The following SEZ6L variants were observed in gnomAD, a reference collection of about 807,000 sequenced individuals.
SEZ6L encodes seizure related 6 homolog like.
Under a neutral mutation model 106.2 loss-of-function variants are expected in SEZ6L, and 37 were observed. That is an observed-to-expected ratio of 0.35 (90% CI 0.27 to 0.46). SEZ6L has a LOEUF of 0.46. Among genes scored for constraint, SEZ6L ranks in the 20% least tolerant of loss-of-function variants. The pLI is 1.00. For missense variants in SEZ6L, 1,172 were observed against 1,332.8 expected, an observed-to-expected ratio of 0.88 and a Z score of 1.88; for synonymous variants, 541 against 570.4, an observed-to-expected ratio of 0.95 and a Z score of 0.73.
At chr22:26,347,421 G>T (rs2083044575) in intron 10 of SEZ6L, among the ~76,000 whole-genome samples, 1 of 152,038 alleles carries the variant, frequency 6.6e-6, no homozygotes, top group African/African-American at 2.4e-5. Context: ...GAGTCAAAAA[G>T]TGATTGTCCC....
intron 1 of SEZ6L, among the ~76,000 whole-genome samples, chr22:26,215,464 C>T (rs1329395601): frequency 1.3e-5 from 2 of 152,108 alleles, no homozygotes; most frequent in Non-Finnish European, 2.9e-5. Context: ...ATGACTCCCA[C>T]CATCTTGAAA....
intron 1 of SEZ6L, among the ~76,000 whole-genome samples, chr22:26,208,848 CTCTGTGTGTGTGTGTGTGTGTGTGTG>C (rs1237841073): frequency 3.7e-5 from 4 of 106,904 alleles, no homozygotes; most frequent in African/African-American, 1.7e-4. Flanking sequence ...TTGACTCTCT[CTCTGTGTGTGTGTGTGTGTGTGTGTG>C]TGTGTGTGTG....
rs181869054 is a variant in SEZ6L at position 26,247,998 on chromosome 22, C to T, written c.95-44408C>T. 1.0e-3 allele frequency among the ~76,000 whole-genome samples: 159 copies of T among 152,262 alleles called. 1 individual carries two copies. The highest frequency in any genetic ancestry group is 3.6e-3 in the African/African-American group (150 of 41,554). On this transcript the variant is annotated intron_variant, in intron 1 of 16. Transcript: ENST00000248933. Reference sequence around the variant, plus strand: ...CCTCCAGAGAGTGTCCAGGCAGTCACCTGACTCTAACTGAGAGTTCTGTCT... The same window carrying T: ...CCTCCAGAGAGTGTCCAGGCAGTCATCTGACTCTAACTGAGAGTTCTGTCT...
chr22:26,337,945 C>T (rs919492884), intron 9 of SEZ6L, among the ~76,000 whole-genome samples: 11 of 152,122 alleles, frequency 7.2e-5, no homozygotes, highest in African/African-American at 1.7e-4. Flanking sequence ...CTTTCAATAC[C>T]TTTCTTTGTG....
chr22:26,217,456 C>T (rs2078330764), intron 1 of SEZ6L, among the ~76,000 whole-genome samples: 1 of 152,210 alleles, frequency 6.6e-6, no homozygotes, highest in Admixed American at 6.5e-5. Context: ...TCTGTAAACC[C>T]CTTCCTGACT....
At chr22:26,232,566 C>A (rs1390161618) in intron 1 of SEZ6L, among the ~76,000 whole-genome samples, 3 of 152,186 alleles carry the variant, frequency 2.0e-5, no homozygotes, top group Non-Finnish European at 4.4e-5. Flanking sequence ...CATATTTTCA[C>A]CGCACCTTTT....
intron 1 of SEZ6L, among the ~76,000 whole-genome samples, chr22:26,200,296 G>A (rs1940848913): frequency 6.6e-6 from 1 of 152,204 alleles, no homozygotes; most frequent in South Asian, 2.1e-4. Flanking sequence ...GCATGTGCAT[G>A]CCTGTGTATG....
rs8141982 is a variant in SEZ6L at position 26,208,850 on chromosome 22, C to G, written c.94+39087C>G. Among the ~76,000 whole-genome samples, 688 of 111,734 alleles carry G rather than the reference C, an allele frequency of 6.2e-3. 5 individuals carry two copies. The highest frequency in any genetic ancestry group is 0.027 in the Middle Eastern group (6 of 226). The allele number at this position is 111,734 out of a possible 152,430, so 73.3% of individuals were successfully genotyped here. On this transcript the variant is annotated intron_variant, in intron 1 of 16. Coordinates refer to ENST00000248933, the MANE Select transcript of SEZ6L (RefSeq NM_021115.5). ...TTTTTTCTACTTCTTGACTCTCTCT[C>G]TGTGTGTGTGTGTGTGTGTGTGTGT...
chr22:26,230,507 C>T (rs1227670994), intron 1 of SEZ6L, among the ~76,000 whole-genome samples: 1 of 152,172 alleles, frequency 6.6e-6, no homozygotes, highest in Non-Finnish European at 1.5e-5. Context: ...AAGGTTCCTG[C>T]TTTTGTGGTC....
At chr22:26,341,049 C>T (rs992248353) in intron 10 of SEZ6L, among the ~76,000 whole-genome samples, 1 of 152,196 alleles carries the variant, frequency 6.6e-6, no homozygotes. Flanking sequence ...CTAATTTCTT[C>T]CCAATTTGTG....
In SEZ6L at chr22:26,270,778, C is replaced by T. The variant is rs960299526; in HGVS notation, c.95-21628C>T. On this transcript the variant is annotated intron_variant, in intron 1 of 16. Transcript: ENST00000248933. ...CTAAGGCTGGCTGTCAAGGAAAACCCCTCGCTGGTGTCTGCTAGGACACTC... is the reference window on the plus strand; with the variant it reads ...CTAAGGCTGGCTGTCAAGGAAAACCTCTCGCTGGTGTCTGCTAGGACACTC... 5.3e-5 allele frequency among the ~76,000 whole-genome samples: 8 copies of T among 152,176 alleles called. No individual in the cohort carries two copies. The South Asian group carries it at 1.7e-3, about 32-fold the overall frequency.
At chr22:26,369,402 G>GC (rs2083939932) in intron 13 of SEZ6L, among the ~76,000 whole-genome samples, 1 of 132,306 alleles carries the variant, frequency 7.6e-6, no homozygotes, top group Non-Finnish European at 1.5e-5. Context: ...TGCAGTGGCT[G>GC]GATCTCGGCT....
chr22:26,339,115 G>C (rs1280813941), intron 9 of SEZ6L, among the ~76,000 whole-genome samples: 1 of 151,936 alleles, frequency 6.6e-6, no homozygotes, highest in Non-Finnish European at 1.5e-5. Flanking sequence ...ATCTGAGTTT[G>C]TCCTTACTTT....
At chr22:26,221,306 A>G (rs563675580) in intron 1 of SEZ6L, among the ~76,000 whole-genome samples, 84 of 151,960 alleles carry the variant, frequency 5.5e-4, no homozygotes, top group African/African-American at 2.0e-3. Context: ...CTAATTTCCA[A>G]TTAACATCTT....
At chr22:26,279,675 C>T (rs1448651802) in intron 1 of SEZ6L, among the ~76,000 whole-genome samples, 1 of 152,196 alleles carries the variant, frequency 6.6e-6, no homozygotes, top group East Asian at 1.9e-4. Context: ...AATGTCTACA[C>T]CCCGCTTCCT....
chr22:26,364,597 C>T (rs1022142289), intron 12 of SEZ6L, among the ~76,000 whole-genome samples: 8 of 152,148 alleles, frequency 5.3e-5, no homozygotes, highest in Non-Finnish European at 1.2e-4. Flanking sequence ...TACTTTGTGT[C>T]TGCAGCTGAA....
At chr22:26,332,972 G>A (rs1048664325) in intron 9 of SEZ6L, among the ~76,000 whole-genome samples, 1 of 152,220 alleles carries the variant, frequency 6.6e-6, no homozygotes, top group Non-Finnish European at 1.5e-5. Flanking sequence ...TACTTTGTGA[G>A]GTTGTTTGAA....
At chr22:26,323,219 T>C (rs2082207130) in intron 9 of SEZ6L, among the ~76,000 whole-genome samples, 1 of 152,226 alleles carries the variant, frequency 6.6e-6, no homozygotes, top group Non-Finnish European at 1.5e-5. Flanking sequence ...GTTCACCAGC[T>C]CTGTGGCCTC....
At chr22:26,375,540 T>C in intron 14 of SEZ6L, 35 bp from the exon 15 acceptor site, 1 of 1,574,122 alleles carries the variant, frequency 6.4e-7, no homozygotes, top group Non-Finnish European at 8.7e-7. Flanking sequence ...GTCAGCTACC[T>C]GGGAAATGAG....
Sources: gnomAD v4.1 joint callset for allele counts (sites outside exome capture counted in the v4.1 genomes callset) on GRCh38, gnomAD v4.1.1 for gene constraint, MANE v1.5 for transcripts, NCBI Gene and HGNC (gene_info 2026-07-23, HGNC 2026-07-21) for gene names.